Variants in ZBBX observed in about 807,000 individuals in gnomAD.
The protein encoded by ZBBX is zinc finger B-box domain containing.
In ZBBX, 101 loss-of-function variants were observed where a neutral mutation model predicts 108.5. The ratio of observed to expected loss-of-function variants is 0.93; its 90% confidence interval spans 0.79 to 1.10. The LOEUF (loss-of-function observed/expected upper bound fraction) is 1.10. ZBBX is among the 50% of genes least tolerant of loss of function. The pLI, the probability that ZBBX is intolerant of heterozygous loss-of-function variation, is 0.00. For missense variants in ZBBX, 1,009 were observed against 941.4 expected (o/e 1.07, Z -0.94); for synonymous variants, 356 against 323.4 (o/e 1.10, Z -1.08).
intron 20 of ZBBX, among the ~76,000 whole-genome samples, chr3:167,267,125 G>C (rs1184232673): frequency 6.6e-6 from 1 of 152,198 alleles, no homozygotes; most frequent in African/African-American, 2.4e-5. Flanking sequence ...CCACTGCTGT[G>C]CAGAGTAAGT....
At chr3:167,355,704 G>T (rs1335608246) in intron 8 of ZBBX, among the ~76,000 whole-genome samples, 1 of 151,834 alleles carries the variant, frequency 6.6e-6, no homozygotes, top group African/African-American at 2.4e-5. Context: ...CAATACCATG[G>T]TCTACTTCAC....
chr3:167,231,761 C>T, the ZBBX span, among the ~76,000 whole-genome samples: 4 of 151,644 alleles, frequency 2.6e-5, no homozygotes, highest in Non-Finnish European at 1.5e-5. Context: ...AACAAGTTTT[C>T]CCAAATCTGT....
chr3:167,191,934 T>TATAGAG, the ZBBX span, among the ~76,000 whole-genome samples: 386 of 130,198 alleles, frequency 3.0e-3, 4 homozygotes, highest in Non-Finnish European at 4.9e-3. Flanking sequence ...TATATATATA[T>TATAGAG]AGAGCAAGTT....
At chr3:167,266,172 T>C (rs1302157360) in intron 20 of ZBBX, among the ~76,000 whole-genome samples, 2 of 152,188 alleles carry the variant, frequency 1.3e-5, no homozygotes, top group Non-Finnish European at 2.9e-5. Context: ...TAGGCTTCTG[T>C]TTTGCCATGT....
At chr3:167,280,998 G>C (rs956628330) in intron 20 of ZBBX, among the ~76,000 whole-genome samples, 1 of 152,130 alleles carries the variant, frequency 6.6e-6, no homozygotes, top group Non-Finnish European at 1.5e-5. Context: ...GTAAACTATT[G>C]CAAGAACAAA....
At chr3:167,373,849 A>C (rs966903644) in intron 2 of ZBBX, 62 bp from the exon 3 acceptor site, 2 of 152,216 alleles carry the variant, frequency 1.3e-5, no homozygotes, top group Non-Finnish European at 2.9e-5. Flanking sequence ...CAAGAGGGAC[A>C]GGCACACAAG....
At chr3:167,220,627 T>A in the ZBBX span, among the ~76,000 whole-genome samples, 1 of 151,918 alleles carries the variant, frequency 6.6e-6, no homozygotes, top group Non-Finnish European at 1.5e-5. Flanking sequence ...ACAGCTGGTA[T>A]CTATACTGAA....
At chr3:167,354,694 A>T (rs1178277185) in intron 8 of ZBBX, among the ~76,000 whole-genome samples, 1 of 151,936 alleles carries the variant, frequency 6.6e-6, no homozygotes, top group Non-Finnish European at 1.5e-5. Flanking sequence ...TATATTCTGC[A>T]TAATTTTTAT....
At chr3:167,242,298 T>C (rs1720814120) in intron 21 of ZBBX, among the ~76,000 whole-genome samples, 1 of 152,164 alleles carries the variant, frequency 6.6e-6, no homozygotes, top group South Asian at 2.1e-4. Context: ...TAGAGAATGA[T>C]CTCTTCACAT....
At chr3:167,198,062 C>T in the ZBBX span, among the ~76,000 whole-genome samples, 7 of 152,192 alleles carry the variant, frequency 4.6e-5, no homozygotes, top group African/African-American at 1.7e-4. Flanking sequence ...AAAATCAGTT[C>T]ATTTGTAGGA....
intron 20 of ZBBX, among the ~76,000 whole-genome samples, chr3:167,272,451 G>A (rs1466982107): frequency 2.0e-5 from 3 of 152,222 alleles, no homozygotes; most frequent in Admixed American, 6.5e-5. Context: ...CCTATCTAGT[G>A]CTCCTGACCA....
At chr3:167,350,682 T>C (rs1389190681) in intron 8 of ZBBX, among the ~76,000 whole-genome samples, 167 bp from the exon 9 acceptor site, 2 of 151,588 alleles carry the variant, frequency 1.3e-5, no homozygotes, top group Admixed American at 1.3e-4. Context: ...GTCCCTTAAC[T>C]GGGACTAGTT....
At chr3:167,308,119 A>T (rs573108658) in intron 16 of ZBBX, among the ~76,000 whole-genome samples, 1 of 152,328 alleles carries the variant, frequency 6.6e-6, no homozygotes, top group Non-Finnish European at 1.5e-5. Flanking sequence ...ATTTGCAAGA[A>T]AAAAGCAATC....
At chr3:167,291,818 G>C (rs189881782) in intron 18 of ZBBX, among the ~76,000 whole-genome samples, 1 of 152,114 alleles carries the variant, frequency 6.6e-6, no homozygotes, top group Non-Finnish European at 1.5e-5. Flanking sequence ...CCCATCTCAC[G>C]TGCAAAGACA....
chr3:167,351,989 C>A (rs1412438429), intron 8 of ZBBX, among the ~76,000 whole-genome samples: 3 of 152,002 alleles, frequency 2.0e-5, no homozygotes, highest in African/African-American at 7.2e-5. Context: ...CAGCTGGTGA[C>A]CTGGGATCAG....
At chr3:167,290,696 G>A (rs948795197) in intron 18 of ZBBX, among the ~76,000 whole-genome samples, 3 of 152,198 alleles carry the variant, frequency 2.0e-5, no homozygotes, top group South Asian at 2.1e-4. Context: ...AAAACTGGAC[G>A]GAGAATGAGT....
In ZBBX at chr3:167,322,292, A is replaced by G. The variant is rs565385952; in HGVS notation, c.863-55T>C. The G allele has an allele frequency of 2.0e-5, 27 of 1,378,730 alleles. No homozygotes were observed. The African/African-American group carries it at 3.7e-4, about 19-fold the overall frequency. The allele number at this position is 1,378,730 out of a possible 1,614,324, so 85.4% of individuals were successfully genotyped here. A position where few individuals can be genotyped will look rare whatever the true frequency, so the allele number is the denominator to read the frequency against. On this transcript the variant is annotated intron_variant, in intron 11 of 21. Transcript: ENST00000675490. ...AAAATAAGCAAGTTTACAAATTACT[A>G]TATCTTCTCTTAAGATGTAGAACTC... is the stretch of plus-strand genomic sequence containing the variant.
chr3:167,390,037 C>T (rs972305984), intron 1 of ZBBX, among the ~76,000 whole-genome samples: 1 of 152,022 alleles, frequency 6.6e-6, no homozygotes, highest in Non-Finnish European at 1.5e-5. Flanking sequence ...GAAGTCTTTG[C>T]CCATGCCTAT....
At chr3:167,363,213 A>G (rs1168736914) in intron 6 of ZBBX, among the ~76,000 whole-genome samples, 1 of 151,928 alleles carries the variant, frequency 6.6e-6, no homozygotes, top group African/African-American at 2.4e-5. Flanking sequence ...CTACAAATCC[A>G]TGCTGATCAG....
Sources: gnomAD v4.1 joint callset for allele counts (sites outside exome capture counted in the v4.1 genomes callset) on GRCh38, gnomAD v4.1.1 for gene constraint, MANE v1.5 for transcripts, NCBI Gene and HGNC (gene_info 2026-07-23, HGNC 2026-07-21) for gene names.